ASPA: variants seen among roughly 807,000 people sequenced by gnomAD.
ASPA encodes aspartoacylase, also known as ACY-2.
ASPA carries 25 observed loss-of-function variants against 29.6 expected under a neutral mutation model. The observed-to-expected ratio is 0.85, with a 90% CI of 0.62 to 1.18. The LOEUF (loss-of-function observed/expected upper bound fraction) is 1.18. Among genes scored for constraint, ASPA ranks in the 50% most tolerant of loss-of-function variants. The pLI, the probability that ASPA is intolerant of heterozygous loss-of-function variation, is 0.00. For missense variants in ASPA, 333 were observed against 385.7 expected (o/e 0.86, Z 1.14); for synonymous variants, 131 against 130.3 (o/e 1.01, Z -0.04).
chr17:3,487,873 T>C (rs2073755725), intron 3 of ASPA, among the ~76,000 whole-genome samples: 1 of 152,226 alleles, frequency 6.6e-6, no homozygotes, highest in African/African-American at 2.4e-5. Flanking sequence ...TATTCTATAG[T>C]ATTCCTACAG....
intron 4 of ASPA, among the ~76,000 whole-genome samples, chr17:3,492,601 A>G (rs886737181): frequency 8.5e-5 from 13 of 152,218 alleles, no homozygotes; most frequent in African/African-American, 2.9e-4. Context: ...AGGCTTGAAA[A>G]GCACTTGCAC....
chr17:3,478,531 A>G (rs2073571381), intron 1 of ASPA, among the ~76,000 whole-genome samples: 1 of 152,184 alleles, frequency 6.6e-6, no homozygotes, highest in South Asian at 2.1e-4. Flanking sequence ...CTATATTACA[A>G]GTAAGAATTT....
At chr17:3,498,617 G>C (rs1046999148) in intron 5 of ASPA, among the ~76,000 whole-genome samples, 1 of 152,158 alleles carries the variant, frequency 6.6e-6, no homozygotes, top group African/African-American at 2.4e-5. Context: ...CAAGTGCTGG[G>C]ATTACAGGCA....
intron 5 of ASPA, 60 bp downstream of exon 5, chr17:3,494,519 G>T (rs2150759215): frequency 1.4e-6 from 2 of 1,390,152 alleles, no homozygotes; most frequent in South Asian, 2.3e-5. Context: ...TTGAATAGAA[G>T]TTTATAGCTC....
At position 3,485,756 on chromosome 17, in the gene ASPA, G is replaced by A. The variant is rs567275926; in HGVS notation, c.526+2164G>A. 4.6e-5 allele frequency among the ~76,000 whole-genome samples: 7 copies of A among 152,268 alleles called. No homozygotes were observed. The highest frequency in any genetic ancestry group is 4.1e-4 in the South Asian group (2 of 4,822). On this transcript the variant is annotated intron_variant, in intron 3 of 5. Coordinates refer to ENST00000263080, the MANE Select transcript of ASPA (RefSeq NM_000049.4). This position sits in a 1 kb window ranked among gnomAD's most constrained non-coding sequence, Gnocchi z 4.4. Reference sequence around the variant, plus strand: ...AACCATTAGCCTAGCACCTCTGAGTGGATGCCAGTAGAAGACACAAGACTC... The same window carrying A: ...AACCATTAGCCTAGCACCTCTGAGTAGATGCCAGTAGAAGACACAAGACTC...
rs532965975 is a variant in ASPA at position 3,486,358 on chromosome 17, A to G, written c.526+2766A>G. Among the ~76,000 whole-genome samples, 6 of 152,354 alleles carry G rather than the reference A, an allele frequency of 3.9e-5. No individual in the cohort carries two copies. In the South Asian group the frequency reaches 1.2e-3, roughly 32 times the overall value. On this transcript the variant is annotated intron_variant, in intron 3 of 5. Coordinates refer to ENST00000263080, the MANE Select transcript of ASPA (RefSeq NM_000049.4). ...CTTGAAAAGATCATCTGGAACAAAA[A>G]TAGTCCGTGTCTTGCTCATGAGACT...
At position 3,499,116 on chromosome 17, in the gene ASPA, G is replaced by T; in HGVS notation, c.*28G>T. ...ATCACTTCCAGCTTACATCTTACAC[G>T]GTGTCTTACAAATTCTGCTAGTCTG... On this transcript the variant is annotated 3_prime_UTR_variant, in exon 6 of 6. Coordinates refer to ENST00000263080, the MANE Select transcript of ASPA (RefSeq NM_000049.4). 1 of 1,603,796 alleles carries T rather than the reference G, an allele frequency of 6.2e-7. No individual in the cohort carries two copies. Among genetic ancestry groups the T allele is most frequent in the East Asian group, 2.2e-5 (1 of 44,598 alleles).
At chr17:3,486,169 G>A (rs955255765) in intron 3 of ASPA, among the ~76,000 whole-genome samples, 3 of 152,076 alleles carry the variant, frequency 2.0e-5, no homozygotes, top group African/African-American at 7.2e-5. Context: ...TCTGACCTCA[G>A]GTGATCCACC....
At chr17:3,481,537 C>A in intron 1 of ASPA, 66 bp from the exon 2 acceptor site, 1 of 1,448,480 alleles carries the variant, frequency 6.9e-7, no homozygotes, top group African/African-American at 1.4e-5. Flanking sequence ...ACACTGTGTT[C>A]TTATTATATG....
chr17:3,482,931 C>T (rs150514242), intron 2 of ASPA, among the ~76,000 whole-genome samples: 2,379 of 105,596 alleles, frequency 0.023, 91 homozygotes, highest in African/African-American at 0.079. Flanking sequence ...CTAATGCTAT[C>T]CCTCCCCCCT....
intron 5 of ASPA, 59 bp downstream of exon 5, chr17:3,494,518 A>G: frequency 7.2e-7 from 1 of 1,394,238 alleles, no homozygotes; most frequent in African/African-American, 1.4e-5. Context: ...TTTGAATAGA[A>G]GTTTATAGCT....
At chr17:3,494,079 C>T (rs948762998) in intron 4 of ASPA, among the ~76,000 whole-genome samples, 1 of 149,896 alleles carries the variant, frequency 6.7e-6, no homozygotes, top group Non-Finnish European at 1.5e-5. Context: ...TCTTGTTGCC[C>T]AGGTTGGAGT....
chr17:3,494,611 C>T lies in ASPA; in HGVS notation c.744+152C>T. ...GATAGGGAAGATGTTCGGACTGTCG[C>T]TCAATAAATACTTATTCAGTGTAAC... On this transcript the variant is annotated intron_variant, in intron 5 of 5. Transcript: ENST00000263080. The T allele has an allele frequency of 5.8e-6, 4 of 690,488 alleles. No homozygotes were observed. In the South Asian group the frequency reaches 6.5e-5, roughly 11 times the overall value. 42.8% of individuals were successfully genotyped at this position (690,488 alleles called of 1,614,324 possible). A position where few individuals can be genotyped will look rare whatever the true frequency, so the allele number is the denominator to read the frequency against.
At chr17:3,479,794 T>C (rs1376211987) in intron 1 of ASPA, among the ~76,000 whole-genome samples, 1 of 152,186 alleles carries the variant, frequency 6.6e-6, no homozygotes, top group Non-Finnish European at 1.5e-5. Flanking sequence ...AGTAGGTCCC[T>C]TGAAGATACT....
At chr17:3,494,592 G>T in intron 5 of ASPA, 133 bp downstream of exon 5, 1 of 772,978 alleles carries the variant, frequency 1.3e-6, no homozygotes. Flanking sequence ...TGTAGATAGG[G>T]AAGATGTTCG....
At chr17:3,478,857 C>T (rs1388763137) in intron 1 of ASPA, among the ~76,000 whole-genome samples, 1 of 152,216 alleles carries the variant, frequency 6.6e-6, no homozygotes, top group Non-Finnish European at 1.5e-5. Flanking sequence ...CTAGAACCTT[C>T]CCAGTCCTTT....
intron 5 of ASPA, among the ~76,000 whole-genome samples, chr17:3,496,837 C>T (rs976050416): frequency 8.5e-5 from 13 of 152,268 alleles, no homozygotes; most frequent in African/African-American, 2.2e-4. Flanking sequence ...GAGGCCGAGG[C>T]GGGCGGATCA....
chr17:3,475,053 C>A (rs2073501006), upstream of ASPA, among the ~76,000 whole-genome samples: 1 of 152,192 alleles, frequency 6.6e-6, no homozygotes, highest in Non-Finnish European at 1.5e-5. Context: ...AAATTAAACT[C>A]TGCAATTGTA....
intron 1 of ASPA, among the ~76,000 whole-genome samples, chr17:3,478,065 G>T (rs2073560571): frequency 6.6e-6 from 1 of 152,054 alleles, no homozygotes; most frequent in Admixed American, 6.6e-5. Context: ...GGCACCTGTA[G>T]TCCCAGCTAT....
Sources: allele counts gnomAD v4.1 joint callset (sites outside exome capture counted in the v4.1 genomes callset), GRCh38; gene constraint gnomAD v4.1.1; non-coding constraint Gnocchi (gnomAD v3.1); transcripts MANE v1.5; gene names NCBI Gene and HGNC (gene_info 2026-07-23, HGNC 2026-07-21).